Variants in CNTN4 observed in about 807,000 individuals in gnomAD.
CNTN4 encodes contactin-4.
In CNTN4, 77 loss-of-function variants were observed where a neutral mutation model predicts 122.5. The observed-to-expected ratio is 0.63, with a 90% CI of 0.52 to 0.76. CNTN4 has a LOEUF of 0.76. Among genes scored for constraint, CNTN4 ranks in the 30% least tolerant of loss-of-function variants. CNTN4 has a pLI of 0.00. For missense variants in CNTN4, 1,256 were observed against 1,259.1 expected (o/e 1.00, Z 0.04); for synonymous variants, 512 against 447.0 (o/e 1.15, Z -1.83).
At chr3:2,268,108 G>T (rs1234531777) in intron 2 of CNTN4, among the ~76,000 whole-genome samples, 2 of 152,060 alleles carry the variant, frequency 1.3e-5, no homozygotes, top group Non-Finnish European at 2.9e-5. Flanking sequence ...TTTACTATCT[G>T]CTCAATATAC....
intron 2 of CNTN4, among the ~76,000 whole-genome samples, chr3:2,266,284 TTTTA>T (rs1324799087): frequency 6.6e-6 from 1 of 152,098 alleles, no homozygotes; most frequent in African/African-American, 2.4e-5. Flanking sequence ...GGCTGTTGAA[TTTTA>T]TTTCATGCAC....
chr3:2,111,844 C>T (rs2032980984), intron 2 of CNTN4, among the ~76,000 whole-genome samples: 1 of 152,046 alleles, frequency 6.6e-6, no homozygotes, highest in Non-Finnish European at 1.5e-5. Context: ...TGATTTTACC[C>T]TTTCAATGCA....
At chr3:2,835,691 T>C (rs2093209649) in intron 7 of CNTN4, among the ~76,000 whole-genome samples, 1 of 152,062 alleles carries the variant, frequency 6.6e-6, no homozygotes, top group African/African-American at 2.4e-5. Context: ...ATAAAACCCA[T>C]ATTAATATAT....
At chr3:2,977,827 T>C (rs1220354016) in intron 13 of CNTN4, among the ~76,000 whole-genome samples, 1 of 152,214 alleles carries the variant, frequency 6.6e-6, no homozygotes, top group African/African-American at 2.4e-5. Context: ...CAAGTTAAGA[T>C]GAGATCATAC....
chr3:2,427,119 G>C (rs895542126), intron 3 of CNTN4, among the ~76,000 whole-genome samples: 1 of 152,070 alleles, frequency 6.6e-6, no homozygotes, highest in African/African-American at 2.4e-5. Context: ...GCTAGCTTTT[G>C]AATGTGTTTT....
intron 3 of CNTN4, among the ~76,000 whole-genome samples, chr3:2,394,517 T>A (rs2046565755): frequency 6.6e-6 from 1 of 152,152 alleles, no homozygotes; most frequent in Admixed American, 6.5e-5. Flanking sequence ...TGAAACCATA[T>A]GGAATGCCAA....
chr3:2,668,448 C>A (rs559944167), intron 4 of CNTN4, among the ~76,000 whole-genome samples: 1 of 152,234 alleles, frequency 6.6e-6, no homozygotes, highest in Non-Finnish European at 1.5e-5. Context: ...ATTTTGTATC[C>A]TGAGACTTTA....
rs79892593 is a variant in CNTN4 at position 2,757,467 on chromosome 3, T to C, written c.358+11770T>C. On this transcript the variant is annotated intron_variant, in intron 6 of 24. Transcript: ENST00000418658. ...CTCTAAAGCCCTAGAAACTGGCTAT[T>C]ATCACGTTTAGAGTGTCTGACCTAC... Among the ~76,000 whole-genome samples the C allele has an allele frequency of 2.1e-3, 319 of 152,304 alleles. 2 individuals carry two copies. The highest frequency in any genetic ancestry group is 7.4e-3 in the African/African-American group (307 of 41,556).
intron 2 of CNTN4, among the ~76,000 whole-genome samples, chr3:2,174,319 C>G (rs917050558): frequency 2.6e-5 from 4 of 152,154 alleles, no homozygotes; most frequent in Non-Finnish European, 4.4e-5. Context: ...GCATACATGT[C>G]TTAGTTCATT....
intron 3 of CNTN4, among the ~76,000 whole-genome samples, chr3:2,412,128 C>A (rs188105396): frequency 1.3e-5 from 2 of 151,928 alleles, no homozygotes; most frequent in East Asian, 1.9e-4. Flanking sequence ...TTTTGAGATT[C>A]TTTTGTATTC....
In CNTN4 at chr3:3,043,025, C is replaced by T. The variant is rs1399339293; in HGVS notation, c.2560C>T (p.Arg854Ter). 8 of 1,614,036 alleles carry T rather than the reference C, an allele frequency of 5.0e-6. No homozygotes were observed. Among genetic ancestry groups the T allele is most frequent in the South Asian group, 1.1e-5 (1 of 91,074 alleles). ...EDKEENARKI[R>*]TVGNQTSTKI... ...CAAAGAAGAAAATGCTAGAAAAATA[C>T]GAACAGTTGGAAATCAGACATCAAC... is the stretch of plus-strand genomic sequence containing the variant. The change falls in exon 22 of 25, where the codon CGA (arginine) becomes TGA (stop). Residue 854 changes from arginine to a stop codon, truncating the protein, a stop_gained. Coordinates refer to ENST00000418658, the MANE Select transcript of CNTN4 (RefSeq NM_175607.3). LOFTEE classifies it high-confidence loss of function.
chr3:2,203,335 T>C (rs2038188515), intron 2 of CNTN4, among the ~76,000 whole-genome samples: 1 of 152,138 alleles, frequency 6.6e-6, no homozygotes, highest in South Asian at 2.1e-4. Context: ...TAAAAGATAC[T>C]ATGCTAGGTG....
intron 2 of CNTN4, among the ~76,000 whole-genome samples, chr3:2,190,969 C>T (rs530539207): frequency 6.6e-6 from 1 of 152,238 alleles, no homozygotes; most frequent in African/African-American, 2.4e-5. Flanking sequence ...ACTTTCACCT[C>T]ACCAGTTCAA....
At chr3:2,352,777 G>T (rs979231613) in intron 3 of CNTN4, among the ~76,000 whole-genome samples, 1 of 152,232 alleles carries the variant, frequency 6.6e-6, no homozygotes, top group South Asian at 2.1e-4. Context: ...GCAGGTGCAC[G>T]GTGCGGGACT....
intron 4 of CNTN4, among the ~76,000 whole-genome samples, chr3:2,590,349 T>G (rs538700911): frequency 6.6e-6 from 1 of 152,122 alleles, no homozygotes; most frequent in Non-Finnish European, 1.5e-5. Flanking sequence ...CTACGCCTCC[T>G]GGGTTCAAGC....
chr3:2,239,329 A>G (rs891750456), intron 2 of CNTN4, among the ~76,000 whole-genome samples: 2 of 152,216 alleles, frequency 1.3e-5, no homozygotes, highest in African/African-American at 4.8e-5. Context: ...AAGATTAATT[A>G]ATGAGTATAA....
At chr3:2,182,391 TTA>T (rs1426918947) in intron 2 of CNTN4, among the ~76,000 whole-genome samples, 9 of 152,154 alleles carry the variant, frequency 5.9e-5, no homozygotes, top group Non-Finnish European at 1.3e-4. Context: ...AAGTTGTTGA[TTA>T]TTTTTAATAA....
chr3:2,811,725 C>T lies in CNTN4; in HGVS notation c.359-7761C>T, dbSNP rs766446723. Among the ~76,000 whole-genome samples the T allele has an allele frequency of 9.1e-4, 138 of 151,978 alleles. 2 individuals carry two copies. The highest frequency in any genetic ancestry group is 1.8e-4 in the Non-Finnish European group (12 of 68,014). On this transcript the variant is annotated intron_variant, in intron 6 of 24. Transcript: ENST00000418658. ...TGTCACCCAGGCTGTAGTGCAGTGG[C>T]GCGATCTCGGCTCACTGCAACCTCC...
chr3:2,949,728 T>C (rs2094718154), intron 13 of CNTN4, among the ~76,000 whole-genome samples: 1 of 152,226 alleles, frequency 6.6e-6, no homozygotes, highest in Non-Finnish European at 1.5e-5. Flanking sequence ...CTTCAGTTTG[T>C]GAGTTACCCC....
Sources: gnomAD v4.1 joint callset for allele counts (sites outside exome capture counted in the v4.1 genomes callset) on GRCh38, gnomAD v4.1.1 for gene constraint, MANE v1.5 for transcripts, NCBI Gene and HGNC (gene_info 2026-07-23, HGNC 2026-07-21) for gene names.